The following CCDC172 variants were observed in gnomAD, a reference collection of about 807,000 sequenced individuals.
CCDC172 encodes the protein coiled-coil domain containing 172, also known as coiled-coil domain-containing protein 172.
Under a neutral mutation model 38.0 loss-of-function variants are expected in CCDC172, and 30 were observed. That is an observed-to-expected ratio of 0.79 (90% CI 0.59 to 1.07). CCDC172 has a LOEUF of 1.07. Among genes scored for constraint, CCDC172 ranks in the 50% least tolerant of loss-of-function variants. CCDC172 has a pLI of 0.00. For missense variants in CCDC172, 297 were observed against 290.1 expected (o/e 1.02, Z -0.17); for synonymous variants, 78 against 88.3 (o/e 0.88, Z 0.66).
intron 5 of CCDC172, among the ~76,000 whole-genome samples, chr10:116,350,026 G>C (rs1846255683): frequency 1.3e-5 from 2 of 152,180 alleles, no homozygotes; most frequent in African/African-American, 4.8e-5. Context: ...CACCTGAAGG[G>C]AGATTGTGCC....
At chr10:116,364,115 A>G (rs1845096328) in intron 7 of CCDC172, among the ~76,000 whole-genome samples, 1 of 152,178 alleles carries the variant, frequency 6.6e-6, no homozygotes, top group Non-Finnish European at 1.5e-5. Context: ...TTCTTTATCC[A>G]TGCATTTATC....
At chr10:116,330,484 G>A (rs1456126556) in intron 3 of CCDC172, among the ~76,000 whole-genome samples, 2 of 152,182 alleles carry the variant, frequency 1.3e-5, no homozygotes, top group African/African-American at 4.8e-5. Flanking sequence ...AAAGTGCAAT[G>A]TAGACCAATG....
chr10:116,352,798 A>G (rs1844946593), intron 5 of CCDC172, among the ~76,000 whole-genome samples: 1 of 152,114 alleles, frequency 6.6e-6, no homozygotes, highest in Admixed American at 6.5e-5. Context: ...AGAAAAAGAA[A>G]AAGCATCCAT....
intron 7 of CCDC172, among the ~76,000 whole-genome samples, chr10:116,370,688 G>T (rs1321412786): frequency 6.6e-6 from 1 of 151,086 alleles, no homozygotes; most frequent in Non-Finnish European, 1.5e-5. Context: ...AAAAGAAAAA[G>T]ATTAAAGAGC....
At chr10:116,349,596 C>G (rs1844907067) in intron 5 of CCDC172, among the ~76,000 whole-genome samples, 6 of 152,144 alleles carry the variant, frequency 3.9e-5, no homozygotes, top group Admixed American at 3.9e-4. Context: ...CTGTTTCTTC[C>G]ACTAAAGTAT....
At chr10:116,353,049 C>T (rs1000936227) in intron 5 of CCDC172, among the ~76,000 whole-genome samples, 5 of 151,910 alleles carry the variant, frequency 3.3e-5, no homozygotes, top group South Asian at 4.2e-4. Flanking sequence ...AAAAATTAGC[C>T]GGGCATGGTG....
At chr10:116,336,025 G>T (rs1037204208) in intron 3 of CCDC172, among the ~76,000 whole-genome samples, 1 of 151,894 alleles carries the variant, frequency 6.6e-6, no homozygotes, top group Non-Finnish European at 1.5e-5. Context: ...AAATTAGCCA[G>T]GCATGATGGT....
At chr10:116,327,225 A>C (rs1844603354) in intron 3 of CCDC172, among the ~76,000 whole-genome samples, 1 of 152,114 alleles carries the variant, frequency 6.6e-6, no homozygotes, top group South Asian at 2.1e-4. Flanking sequence ...AAACTACCAT[A>C]ATGAAAGTAA....
chr10:116,359,369 A>G (rs7897466), intron 7 of CCDC172, among the ~76,000 whole-genome samples: 2,912 of 152,348 alleles, frequency 0.019, 97 homozygotes, highest in African/African-American at 0.067. Context: ...TCAAATGTAT[A>G]TGGAATTCCA....
intron 7 of CCDC172, among the ~76,000 whole-genome samples, chr10:116,360,305 A>G (rs947847987): frequency 1.3e-5 from 2 of 152,172 alleles, no homozygotes; most frequent in African/African-American, 4.8e-5. Flanking sequence ...AACCCTTTTG[A>G]AACCCAGCTC....
chr10:116,362,265 G>A (rs578089785), intron 7 of CCDC172, among the ~76,000 whole-genome samples: 1 of 152,332 alleles, frequency 6.6e-6, no homozygotes, highest in African/African-American at 2.4e-5. Flanking sequence ...ATGTCTGTGT[G>A]TGTTTAGCAA....
intron 3 of CCDC172, among the ~76,000 whole-genome samples, chr10:116,339,927 T>C (rs1428990794): frequency 1.3e-5 from 2 of 151,960 alleles, no homozygotes; most frequent in African/African-American, 4.8e-5. Flanking sequence ...ATTTATATCC[T>C]TTTTCTTTTC....
At chr10:116,358,560 G>A (rs1845028550) in intron 7 of CCDC172, among the ~76,000 whole-genome samples, 1 of 152,178 alleles carries the variant, frequency 6.6e-6, no homozygotes, top group East Asian at 1.9e-4. Context: ...TTTCATATAA[G>A]AAAAGAAACC....
At chr10:116,327,522 T>C (rs1044888160) in intron 3 of CCDC172, among the ~76,000 whole-genome samples, 1 of 152,086 alleles carries the variant, frequency 6.6e-6, no homozygotes, top group African/African-American at 2.4e-5. Flanking sequence ...TGTTGATATA[T>C]ACACATACAT....
intron 5 of CCDC172, among the ~76,000 whole-genome samples, chr10:116,353,577 T>A (rs1002782556): frequency 5.9e-5 from 9 of 152,124 alleles, no homozygotes; most frequent in Non-Finnish European, 7.4e-5. Flanking sequence ...TAAATAGACG[T>A]TTCCCAAAAA....
intron 5 of CCDC172, among the ~76,000 whole-genome samples, chr10:116,343,523 T>G (rs1421159481): frequency 3.3e-5 from 5 of 150,822 alleles, no homozygotes; most frequent in African/African-American, 4.9e-5. Context: ...TCGTTTTTTT[T>G]TTTTTTTTTA....
chr10:116,341,053 T>C (rs1199393861), intron 4 of CCDC172, among the ~76,000 whole-genome samples: 1 of 152,022 alleles, frequency 6.6e-6, no homozygotes, highest in Non-Finnish European at 1.5e-5. Context: ...GGATGTAATA[T>C]AGCAATTATT....
In CCDC172 at chr10:116,324,995, AG is replaced by A; in HGVS notation, c.-15del. The A allele has an allele frequency of 6.2e-7, 1 of 1,609,858 alleles. No individual in the cohort carries two copies. The highest frequency in any genetic ancestry group is 8.5e-7 in the Non-Finnish European group (1 of 1,176,140). ...TATTTAAGGGCGAGAAAAGGATCGCAGGAGCCAGGCCCTGAGATGAGCTTGG... is the reference window on the plus strand; with the variant it reads ...TATTTAAGGGCGAGAAAAGGATCGCAGAGCCAGGCCCTGAGATGAGCTTGG... On this transcript the variant is annotated 5_prime_UTR_variant, in exon 2 of 9. Coordinates refer to ENST00000333254, the MANE Select transcript of CCDC172 (RefSeq NM_198515.3).
chr10:116,352,213 A>G (rs1382614249), intron 5 of CCDC172, among the ~76,000 whole-genome samples: 1 of 152,204 alleles, frequency 6.6e-6, no homozygotes, highest in Non-Finnish European at 1.5e-5. Context: ...ATTCTTATAA[A>G]CAAGATTTGC....
Sources: gnomAD v4.1 joint callset for allele counts (sites outside exome capture counted in the v4.1 genomes callset) on GRCh38, gnomAD v4.1.1 for gene constraint, MANE v1.5 for transcripts, NCBI Gene and HGNC (gene_info 2026-07-23, HGNC 2026-07-21) for gene names.